CCDC85C: variants seen among roughly 807,000 people sequenced by gnomAD.
The protein encoded by CCDC85C is coiled-coil domain containing 85C, also known as coiled-coil domain-containing protein 85C.
A neutral mutation model predicts 38.3 loss-of-function variants in CCDC85C; 18 were observed. The ratio of observed to expected loss-of-function variants is 0.47; its 90% CI spans 0.33 to 0.70. The LOEUF is 0.70. Among genes scored for constraint, CCDC85C ranks in the 30% least tolerant of loss-of-function variants. The probability of loss-of-function intolerance (pLI) is 0.03; values close to 1 mark genes in which losing one functional copy is unlikely to be tolerated. For synonymous variants in CCDC85C, 264 were observed against 293.8 expected, an observed-to-expected ratio of 0.90 and a Z score of 1.04; for missense variants, 566 against 621.2, an observed-to-expected ratio of 0.91 and a Z score of 0.94.
In CCDC85C at chr14:99,588,107, G is replaced by A. The variant is rs146654623; in HGVS notation, c.793+15060C>T. ...GGCCGGATTCCCCACTGGGTCTGTCGTCCCCAGTTCCTCCAGCTGCCAATC... is the reference window on the plus strand; with the variant it reads ...GGCCGGATTCCCCACTGGGTCTGTCATCCCCAGTTCCTCCAGCTGCCAATC... On this transcript the variant is annotated intron_variant, in intron 1 of 5. Coordinates refer to ENST00000380243, the MANE Select transcript of CCDC85C (RefSeq NM_001144995.2). This position sits in a 1 kb window ranked among gnomAD's most constrained non-coding sequence, Gnocchi z 5.0. Among the ~76,000 whole-genome samples, 1,836 of 152,204 alleles carry A rather than the reference G, an allele frequency of 0.012. 24 individuals are homozygous for A. The highest frequency in any genetic ancestry group is 0.042 in the African/African-American group (1,734 of 41,530).
intron 2 of CCDC85C, among the ~76,000 whole-genome samples, chr14:99,529,305 T>C (rs1020750632): frequency 1.3e-5 from 2 of 152,152 alleles, no homozygotes; most frequent in Non-Finnish European, 2.9e-5. Flanking sequence ...GCCCATTACT[T>C]GTTCCAGTGA....
chr14:99,500,952 C>T lies in CCDC85C; in HGVS notation c.*14294G>A. ...TTGATGACACTCAAATTACGCTTCT[C>T]AAAAGCGGAAAACAAAGTTTGATGT... On this transcript the variant is annotated 3_prime_UTR_variant, in exon 6 of 6. Coordinates refer to ENST00000380243, the MANE Select transcript of CCDC85C (RefSeq NM_001144995.2). 1.1e-6 allele frequency: 1 copy of T among 896,908 alleles called. No individual in the cohort carries two copies. The allele number at this position is 896,908 out of a possible 1,614,324, so 55.6% of individuals were successfully genotyped here. A position where few individuals can be genotyped will look rare whatever the true frequency, so the allele number is the denominator to read the frequency against.
intron 2 of CCDC85C, chr14:99,534,854 A>G (rs1265154611): frequency 1.8e-5 from 11 of 625,006 alleles, no homozygotes; most frequent in Non-Finnish European, 2.9e-5. Flanking sequence ...GCATGAAATT[A>G]CAAAAGCCAG....
At chr14:99,534,476 G>A (rs559823500) in intron 2 of CCDC85C, among the ~76,000 whole-genome samples, 5 of 152,272 alleles carry the variant, frequency 3.3e-5, no homozygotes, top group Admixed American at 2.0e-4. Flanking sequence ...GGGCAGACGC[G>A]TGAGGTCACT....
At chr14:99,593,019 G>C (rs1200304635) in intron 1 of CCDC85C, among the ~76,000 whole-genome samples, 1 of 152,230 alleles carries the variant, frequency 6.6e-6, no homozygotes, top group Non-Finnish European at 1.5e-5. Flanking sequence ...CAGCCGCTGA[G>C]GGATATTAAG....
In CCDC85C at chr14:99,603,811, C is replaced by T; in HGVS notation, c.149G>A (p.Gly50Asp). 1 of 1,525,204 alleles carries T rather than the reference C, an allele frequency of 6.6e-7. No individual in the cohort carries two copies. Among genetic ancestry groups the T allele is most frequent in the Non-Finnish European group, 8.8e-7 (1 of 1,142,316 alleles). The allele number at this position is 1,525,204 out of a possible 1,614,324, so 94.5% of individuals were successfully genotyped here. The change falls in exon 1 of 6, where the codon GGC (glycine) becomes GAC (aspartate). Residue 50 changes from glycine (G) to aspartate (D), a missense_variant. This residue lies in a region of CCDC85C where 269 missense variants were observed against 308.2 expected (regional missense o/e 0.87). Transcript: ENST00000380243. This position sits in a 1 kb window ranked among gnomAD's most constrained non-coding sequence, Gnocchi z 7.5. Reference protein sequence around the residue: ...GEKVGLMLEHGGLMRDVNRRL... With the variant: ...GEKVGLMLEHDGLMRDVNRRL... ...CCGGTTCACGTCGCGCATCAGGCCG[C>T]CGTGCTCCAGCATGAGGCCCACCTT...
At chr14:99,575,442 C>T (rs1898454196) in intron 1 of CCDC85C, among the ~76,000 whole-genome samples, 2 of 152,210 alleles carry the variant, frequency 1.3e-5, no homozygotes, top group African/African-American at 2.4e-5. Flanking sequence ...TAACACACCT[C>T]GAAGGGTTGC....
At chr14:99,522,432 A>C in intron 2 of CCDC85C, 192 bp from the exon 3 acceptor site, 2 of 522,168 alleles carry the variant, frequency 3.8e-6, no homozygotes, top group Non-Finnish European at 3.4e-6. Context: ...CCCAGCTCAA[A>C]TGTCAGCGAT....
Position 99,544,522 on chromosome 14 carries a change from GTGTC to G in CCDC85C, c.794-8438_794-8435del, listed in dbSNP as rs1457503009. On this transcript the variant is annotated intron_variant, in intron 1 of 5. Coordinates refer to ENST00000380243, the MANE Select transcript of CCDC85C (RefSeq NM_001144995.2). This position sits in a 1 kb window ranked among gnomAD's most constrained non-coding sequence, Gnocchi z 5.3. ...TGTGTGTGTGTGTGTGTGTGTCTGTGTGTCTGTGTGTTCCCACACCCAGGACTCT... is the reference window on the plus strand; with the variant it reads ...TGTGTGTGTGTGTGTGTGTGTCTGTGTGTGTGTTCCCACACCCAGGACTCT... 1.3e-5 allele frequency among the ~76,000 whole-genome samples: 2 copies of G among 151,982 alleles called. No homozygotes were observed. Among genetic ancestry groups the G allele is most frequent in the African/African-American group, 4.8e-5 (2 of 41,304 alleles).
rs1897199222 is a variant in CCDC85C, at chr14:99,515,042, T to A, written c.*204A>T. ...GTCGCAGCGTCTCGTCTTCCCAGGTTGCTGGTGTATGAGGCGGGAGATGGC... is the reference window on the plus strand; with the variant it reads ...GTCGCAGCGTCTCGTCTTCCCAGGTAGCTGGTGTATGAGGCGGGAGATGGC... On this transcript the variant is annotated 3_prime_UTR_variant, in exon 6 of 6. Transcript: ENST00000380243. 3.8e-6 allele frequency: 2 copies of A among 531,670 alleles called. No homozygotes were observed. The highest frequency in any genetic ancestry group is 6.8e-6 in the Non-Finnish European group (2 of 295,442). The allele number at this position is 531,670 out of a possible 1,614,324, so 32.9% of individuals were successfully genotyped here. A position where few individuals can be genotyped will look rare whatever the true frequency, so the allele number is the denominator to read the frequency against.
chr14:99,561,169 C>T (rs1898109967), intron 1 of CCDC85C, among the ~76,000 whole-genome samples: 1 of 152,230 alleles, frequency 6.6e-6, no homozygotes, highest in African/African-American at 2.4e-5. Flanking sequence ...CGACAAGCCA[C>T]ATGGCCGTAG....
At chr14:99,561,859 C>A (rs546708990) in intron 1 of CCDC85C, among the ~76,000 whole-genome samples, 2 of 152,330 alleles carry the variant, frequency 1.3e-5, no homozygotes, top group East Asian at 1.9e-4. Context: ...CCCTGCGCTA[C>A]GGCGTTGGTG....
At chr14:99,567,803 C>A (rs746488519) in intron 1 of CCDC85C, among the ~76,000 whole-genome samples, 3 of 152,182 alleles carry the variant, frequency 2.0e-5, no homozygotes, top group Non-Finnish European at 2.9e-5. Context: ...CCAGCCTGGG[C>A]AACAAGAGCG....
intron 1 of CCDC85C, among the ~76,000 whole-genome samples, chr14:99,564,650 C>T (rs1898180654): frequency 6.6e-6 from 1 of 152,238 alleles, no homozygotes; most frequent in Non-Finnish European, 1.5e-5. Context: ...GCCTGTCATG[C>T]AGTCCCAGTG....
At chr14:99,563,146 A>G (rs971638565) in intron 1 of CCDC85C, among the ~76,000 whole-genome samples, 2 of 152,144 alleles carry the variant, frequency 1.3e-5, no homozygotes, top group African/African-American at 4.8e-5. Context: ...GTAGAGGGGG[A>G]TCCTTTGCCC....
rs373272589 is a variant in CCDC85C at position 99,548,486 on chromosome 14, A to G, written c.794-12398T>C. Among the ~76,000 whole-genome samples, 28 of 152,138 alleles carry G rather than the reference A, an allele frequency of 1.8e-4. No homozygotes were observed. Among genetic ancestry groups the G allele is most frequent in the African/African-American group, 6.5e-4 (27 of 41,500 alleles). ...AGCCTGGCGCGGTTTCCTGCAGCTGAAGATGCTCACACCCTTGACAAAGCC... is the reference window on the plus strand; with the variant it reads ...AGCCTGGCGCGGTTTCCTGCAGCTGGAGATGCTCACACCCTTGACAAAGCC... On this transcript the variant is annotated intron_variant, in intron 1 of 5. Coordinates refer to ENST00000380243, the MANE Select transcript of CCDC85C (RefSeq NM_001144995.2). The surrounding 1 kb of genome is among the most constrained non-coding windows in gnomAD (Gnocchi z 4.9).
intron 1 of CCDC85C, among the ~76,000 whole-genome samples, chr14:99,587,409 G>C (rs1276177191): frequency 1.3e-5 from 2 of 152,222 alleles, no homozygotes; most frequent in East Asian, 3.8e-4. Flanking sequence ...TAAGGCCTCT[G>C]GGGGAGATTT....
At position 99,565,770 on chromosome 14, in the gene CCDC85C, C is replaced by G. The variant is rs1410063398; in HGVS notation, c.794-29682G>C. Among the ~76,000 whole-genome samples, 3 of 152,132 alleles carry G rather than the reference C, an allele frequency of 2.0e-5. No individual in the cohort carries two copies. The East Asian group carries it at 5.8e-4, about 29-fold the overall frequency. ...TTCATGGAAGAGTCTATAGTGGACA[C>G]CCCAACCCAAGCAGAAAAGACTCCA... is the stretch of plus-strand genomic sequence containing the variant. On this transcript the variant is annotated intron_variant, in intron 1 of 5. Coordinates refer to ENST00000380243, the MANE Select transcript of CCDC85C (RefSeq NM_001144995.2).
intron 1 of CCDC85C, among the ~76,000 whole-genome samples, chr14:99,594,667 G>A (rs1345478360): frequency 1.3e-5 from 2 of 152,190 alleles, no homozygotes; most frequent in African/African-American, 4.8e-5. Context: ...TGAGTCAAAG[G>A]GCCAGAAGAG....
Sources: gnomAD v4.1 joint callset for allele counts (sites outside exome capture counted in the v4.1 genomes callset) on GRCh38, gnomAD v4.1.1 for gene constraint, gnomAD v4.1.1 regional missense constraint, Gnocchi (gnomAD v3.1) non-coding constraint, MANE v1.5 for transcripts, NCBI Gene and HGNC (gene_info 2026-07-23, HGNC 2026-07-21) for gene names.